The following TMPRSS7 variants were observed in gnomAD, a reference collection of about 807,000 sequenced individuals.
The protein encoded by TMPRSS7 is transmembrane serine protease 7.
In TMPRSS7, 81 loss-of-function variants were observed where a neutral mutation model predicts 95.6. That is an observed-to-expected ratio of 0.85 (90% CI 0.71 to 1.02). The LOEUF (loss-of-function observed/expected upper bound fraction) is 1.02. Among genes scored for constraint, TMPRSS7 ranks in the 50% least tolerant of loss-of-function variants. TMPRSS7 has a pLI of 0.00. For missense variants in TMPRSS7, 945 were observed against 955.2 expected (o/e 0.99, Z 0.14); for synonymous variants, 364 against 337.8 (o/e 1.08, Z -0.85).
chr3:112,062,139 T>C (rs1478554945), intron 11 of TMPRSS7, among the ~76,000 whole-genome samples: 5 of 151,852 alleles, frequency 3.3e-5, no homozygotes, highest in African/African-American at 1.2e-4. Flanking sequence ...CTTTGAATTA[T>C]TAAAGAAATA....
intron 2 of TMPRSS7, among the ~76,000 whole-genome samples, chr3:112,041,067 A>G (rs899545370): frequency 7.1e-6 from 1 of 140,562 alleles, no homozygotes; most frequent in African/African-American, 2.6e-5. Flanking sequence ...TGAATTTTAG[A>G]GTCTGCAACC....
rs550185661 is a variant in TMPRSS7, at chr3:112,046,968, A to G, written c.692-6A>G. 5.3e-5 allele frequency: 37 copies of G among 702,676 alleles called. No homozygotes were observed. The highest frequency in any genetic ancestry group is 4.0e-4 in the African/African-American group (23 of 57,350). The allele number at this position is 702,676 out of a possible 1,614,324, so 43.5% of individuals were successfully genotyped here. A position where few individuals can be genotyped will look rare whatever the true frequency, so the allele number is the denominator to read the frequency against. ...CAATCTCTTCTCATGTGCTTTTTCAATGCAGCTGGGCTTCGGTCGGATTAC... is the reference window on the plus strand; with the variant it reads ...CAATCTCTTCTCATGTGCTTTTTCAGTGCAGCTGGGCTTCGGTCGGATTAC... On this transcript the variant is annotated splice_region_variant and splice_polypyrimidine_tract_variant and intron_variant, in intron 5 of 17. Coordinates refer to ENST00000452346, the Ensembl canonical transcript of TMPRSS7.
chr3:112,074,331 A>C, exon 14 of TMPRSS7: 1 of 1,614,108 alleles, frequency 6.2e-7, no homozygotes, highest in Non-Finnish European at 8.5e-7. Flanking sequence ...TAAGTGTGGC[A>C]ATGATATTTG....
chr3:112,074,125 T>C (rs1444197773), intron 13 of TMPRSS7, among the ~76,000 whole-genome samples, 171 bp from the exon 14 acceptor site: 1 of 152,226 alleles, frequency 6.6e-6, no homozygotes, highest in Non-Finnish European at 1.5e-5. Context: ...GGTGAAGAAA[T>C]GGATCACTGT....
At chr3:112,058,818 G>T (rs1484815155) in intron 10 of TMPRSS7, among the ~76,000 whole-genome samples, 1 of 152,182 alleles carries the variant, frequency 6.6e-6, no homozygotes, top group African/African-American at 2.4e-5. Flanking sequence ...AGCAATACCA[G>T]GAAAGCTCTC....
At chr3:112,055,341 T>A (rs142483413) in intron 9 of TMPRSS7, among the ~76,000 whole-genome samples, 1 of 152,246 alleles carries the variant, frequency 6.6e-6, no homozygotes, top group African/African-American at 2.4e-5. Flanking sequence ...AGGGTTGTTG[T>A]GATGTTTAAG....
intron 11 of TMPRSS7, 41 bp downstream of exon 11, chr3:112,061,964 CA>C: frequency 6.6e-7 from 1 of 1,503,850 alleles, no homozygotes; most frequent in Non-Finnish European, 9.0e-7. Flanking sequence ...TTAATACTTA[CA>C]TAGAGGATAA....
rs1161735611 is a variant in TMPRSS7, at chr3:112,054,729, C to CTTTTTTTTTTTTTTTTTTT, written c.1204-2285_1204-2267dup. Among the ~76,000 whole-genome samples the CTTTTTTTTTTTTTTTTTTT allele has an allele frequency of 4.5e-4, 22 of 49,026 alleles. 7 individuals carry two copies. The highest frequency in any genetic ancestry group is 8.0e-4 in the Admixed American group (2 of 2,510). 32.2% of individuals were successfully genotyped at this position (49,026 alleles called of 152,430 possible). On this transcript the variant is annotated intron_variant, in intron 9 of 17. Coordinates refer to ENST00000452346, the Ensembl canonical transcript of TMPRSS7. Reference sequence around the variant, plus strand: ...AACATATTTACTATCTCTCAGTTTGCTTTTTTTTTTTTTTTTTTTTTTTTT... The same window carrying CTTTTTTTTTTTTTTTTTTT: ...AACATATTTACTATCTCTCAGTTTGCTTTTTTTTTTTTTTTTTTTTTTTTTTTTTTTTTTTTTTTTTTTT...
At position 112,077,015 on chromosome 3, in the gene TMPRSS7, C is replaced by T. The variant is rs746032078; in HGVS notation, c.2095C>T (p.Gln699Ter). ...TTTTGATTATGATATTGCTTTGCTA[C>T]AGCTCAGTATTGCCTGGCCTGAGAC... is the stretch of plus-strand genomic sequence containing the variant. Residue 699 changes from glutamine (Q) to a stop codon, truncating the protein, a stop_gained, in exon 16 of 18, where the codon CAG becomes TAG. Coordinates refer to ENST00000452346, the Ensembl canonical transcript of TMPRSS7. LOFTEE classifies it high-confidence loss of function. 4 of 1,614,190 alleles carry T rather than the reference C, an allele frequency of 2.5e-6. No individual in the cohort carries two copies. Among genetic ancestry groups the T allele is most frequent in the South Asian group, 1.1e-5 (1 of 91,082 alleles).
intron 11 of TMPRSS7, among the ~76,000 whole-genome samples, chr3:112,063,250 A>G (rs1018289234): frequency 8.5e-5 from 13 of 152,176 alleles, no homozygotes; most frequent in African/African-American, 2.7e-4. Context: ...CTGAGACTAG[A>G]CTATGGAGAT....
intron 9 of TMPRSS7, among the ~76,000 whole-genome samples, chr3:112,055,454 G>GAC (rs142185504): frequency 0.22 from 32,010 of 148,530 alleles, 3,636 homozygotes; most frequent in East Asian, 0.37. Flanking sequence ...CACTTGCGCA[G>GAC]ACACACACAC....
chr3:112,077,167 A>T (rs374981747), intron 16 of TMPRSS7, 23 bp downstream of exon 16: 1 of 1,609,738 alleles, frequency 6.2e-7, no homozygotes, highest in Non-Finnish European at 8.5e-7. Context: ...ATGAATGGTC[A>T]TGCCCTTCCC....
intron 10 of TMPRSS7, among the ~76,000 whole-genome samples, chr3:112,060,286 T>C (rs951070580): frequency 3.4e-4 from 52 of 152,256 alleles, no homozygotes; most frequent in African/African-American, 1.3e-3. Context: ...CGGGCACACA[T>C]TGTCATTGAT....
At chr3:112,059,722 T>G (rs2073476293) in intron 10 of TMPRSS7, among the ~76,000 whole-genome samples, 1 of 152,044 alleles carries the variant, frequency 6.6e-6, no homozygotes, top group East Asian at 1.9e-4. Context: ...ACCTCAGGAG[T>G]TGGTCTAACA....
At chr3:112,051,637 T>TCTATC (rs2073355231) in intron 9 of TMPRSS7, among the ~76,000 whole-genome samples, 1 of 109,856 alleles carries the variant, frequency 9.1e-6, no homozygotes, top group South Asian at 3.2e-4. Flanking sequence ...TCTATCTATC[T>TCTATC]ATCTATCTAT....
intron 1 of TMPRSS7, 54 bp downstream of exon 1, chr3:112,034,947 C>A: frequency 1.4e-6 from 1 of 701,396 alleles, no homozygotes. Context: ...ATTGTTGACC[C>A]TGTTAGTAAA....
rs139763329 is a variant in TMPRSS7 at position 112,035,480 on chromosome 3, G to A, written c.48+587G>A. Among the ~76,000 whole-genome samples, 7 of 152,240 alleles carry A rather than the reference G, an allele frequency of 4.6e-5. No individual in the cohort carries two copies. In the East Asian group the frequency reaches 9.6e-4, roughly 21 times the overall value. Reference sequence around the variant, plus strand: ...GGGCCATGAATAATTCAGAGTGTACGTGGCCACGTATTATCCCATTAATTG... The same window carrying A: ...GGGCCATGAATAATTCAGAGTGTACATGGCCACGTATTATCCCATTAATTG... On this transcript the variant is annotated intron_variant, in intron 1 of 17. Coordinates refer to ENST00000452346, the Ensembl canonical transcript of TMPRSS7.
chr3:112,053,782 A>G (rs1297963563), intron 9 of TMPRSS7, among the ~76,000 whole-genome samples: 2 of 152,228 alleles, frequency 1.3e-5, no homozygotes, highest in Non-Finnish European at 2.9e-5. Flanking sequence ...TGCCTCCTCC[A>G]TAAATAAATT....
At chr3:112,043,395 T>G (rs1186804458) in intron 3 of TMPRSS7, among the ~76,000 whole-genome samples, 1 of 152,202 alleles carries the variant, frequency 6.6e-6, no homozygotes, top group Non-Finnish European at 1.5e-5. Flanking sequence ...ACCAATTATT[T>G]CTAAAATTAT....
Sources: allele counts gnomAD v4.1 joint callset (sites outside exome capture counted in the v4.1 genomes callset), GRCh38; gene constraint gnomAD v4.1.1; transcripts MANE v1.5; gene names NCBI Gene and HGNC (gene_info 2026-07-23, HGNC 2026-07-21).